The following TK2 variants were observed in gnomAD, a reference collection of about 807,000 sequenced individuals.
TK2 encodes thymidine kinase 2.
TK2 carries 35 observed loss-of-function variants against 41.9 expected under a neutral mutation model. The observed-to-expected ratio is 0.84, with a 90% confidence interval of 0.64 to 1.11. TK2 has a LOEUF of 1.11. Among genes scored for constraint, TK2 ranks in the 50% least tolerant of loss-of-function variants. TK2 has a pLI of 0.00. For missense variants in TK2, 320 were observed against 351.1 expected, an observed-to-expected ratio of 0.91 and a Z score of 0.71; for synonymous variants, 128 against 129.1, an observed-to-expected ratio of 0.99 and a Z score of 0.06.
chr16:66,517,913 A>G lies in TK2; in HGVS notation c.450-36T>C, dbSNP rs1043572594. The G allele has an allele frequency of 2.5e-6, 4 of 1,578,738 alleles. No individual in the cohort carries two copies. Among genetic ancestry groups the G allele is most frequent in the Admixed American group, 1.7e-5 (1 of 59,978 alleles). ...AGTTGTAAGGGCTTATTCACCTAAG[A>G]GAAAACTTCTGGGCTATGCAATTCC... On this transcript the variant is annotated intron_variant, in intron 6 of 9. Coordinates refer to ENST00000544898, the MANE Select transcript of TK2 (RefSeq NM_004614.5). This position sits in a 1 kb window ranked among gnomAD's most constrained non-coding sequence, Gnocchi z 4.3.
Position 66,522,841 on chromosome 16 carries a change from G to C in TK2, c.450-4964C>G, listed in dbSNP as rs199716859. On this transcript the variant is annotated intron_variant, in intron 6 of 9. Transcript: ENST00000544898. ...ATTGCACCACTGCACTCCAGCCTGG[G>C]CAATAACAGCAAAACTCCGTCTCAA... Among the ~76,000 whole-genome samples the C allele has an allele frequency of 2.6e-5, 4 of 152,224 alleles. No homozygotes were observed. In the East Asian group the frequency reaches 7.7e-4, roughly 29 times the overall value.
intron 2 of TK2, chr16:66,547,925 C>A: frequency 7.8e-7 from 1 of 1,284,898 alleles, no homozygotes; most frequent in South Asian, 1.2e-5. Flanking sequence ...CAGCTCACAT[C>A]AATGCTAGCT....
Position 66,536,760 on chromosome 16 carries a change from T to G in TK2, c.285+204A>C, listed in dbSNP as rs183409862. 3.6e-3 allele frequency among the ~76,000 whole-genome samples: 548 copies of G among 152,012 alleles called. 17 individuals are homozygous for G. In the South Asian group the frequency reaches 0.081, roughly 23 times the overall value. On this transcript the variant is annotated intron_variant, in intron 4 of 9. Transcript: ENST00000544898. Reference sequence around the variant, plus strand: ...GATAGCTGACGGGAAGTCCCTAGGCTCTGTGCACAGCCACTCAGGCCTCAG... The same window carrying G: ...GATAGCTGACGGGAAGTCCCTAGGCGCTGTGCACAGCCACTCAGGCCTCAG...
intron 5 of TK2, among the ~76,000 whole-genome samples, chr16:66,530,646 A>G (rs1286051023): frequency 1.3e-5 from 2 of 152,148 alleles, no homozygotes; most frequent in Non-Finnish European, 2.9e-5. Context: ...GATAAAACAC[A>G]GATTGCTGGG....
At chr16:66,531,166 C>A (rs1228077933) in intron 5 of TK2, among the ~76,000 whole-genome samples, 1 of 152,170 alleles carries the variant, frequency 6.6e-6, no homozygotes, top group African/African-American at 2.4e-5. Flanking sequence ...GTGGCAGGGG[C>A]ACCACCTGGC....
chr16:66,511,856 A>G lies in TK2; in HGVS notation c.*112T>C. 1 of 882,710 alleles carries G rather than the reference A, an allele frequency of 1.1e-6. No individual in the cohort carries two copies. The highest frequency in any genetic ancestry group is 1.9e-6 in the Non-Finnish European group (1 of 532,234). 54.7% of individuals were successfully genotyped at this position (882,710 alleles called of 1,614,324 possible). A position where few individuals can be genotyped will look rare whatever the true frequency, so the allele number is the denominator to read the frequency against. ...AGGAGATGAGACCATTAGGAAAATC[A>G]AGCTGGCCAGACACAAAGCCCTCCT... On this transcript the variant is annotated 3_prime_UTR_variant, in exon 10 of 10. Transcript: ENST00000544898.
chr16:66,523,372 C>T (rs996968750), intron 6 of TK2, among the ~76,000 whole-genome samples: 32 of 152,198 alleles, frequency 2.1e-4, no homozygotes, highest in African/African-American at 7.0e-4. Context: ...CACATGCCAC[C>T]GTGTGGTTCC....
intron 2 of TK2, among the ~76,000 whole-genome samples, chr16:66,546,075 C>A (rs1316952900): frequency 6.6e-6 from 1 of 151,862 alleles, no homozygotes; most frequent in Admixed American, 6.6e-5. Flanking sequence ...ACAACAAATA[C>A]AAAAATTAGC....
intron 4 of TK2, among the ~76,000 whole-genome samples, chr16:66,533,097 T>G (rs1328376231): frequency 6.7e-6 from 1 of 148,226 alleles, no homozygotes; most frequent in South Asian, 2.1e-4. Flanking sequence ...TTAAACAGAG[T>G]CTTGCTCTGT....
rs189302851 is a variant in TK2 at position 66,543,227 on chromosome 16, T to C, written c.157-1274A>G. The stretch of plus-strand genomic sequence containing the variant: ...GGCGATTTCAATGTGCAGGCAAGGA[T>C]GGGAACCACGAGGCTGGAGCAGAGC... On this transcript the variant is annotated intron_variant, in intron 2 of 9. Coordinates refer to ENST00000544898, the MANE Select transcript of TK2 (RefSeq NM_004614.5). 5.9e-5 allele frequency among the ~76,000 whole-genome samples: 9 copies of C among 152,342 alleles called. No individual in the cohort carries two copies. The East Asian group carries it at 1.5e-3, about 26-fold the overall frequency.
intron 6 of TK2, among the ~76,000 whole-genome samples, chr16:66,524,333 CTTT>C (rs1359962521): frequency 6.6e-6 from 1 of 151,974 alleles, no homozygotes; most frequent in Non-Finnish European, 1.5e-5. Context: ...TGGCTACCAG[CTTT>C]TTTTATTTTT....
intron 3 of TK2, among the ~76,000 whole-genome samples, chr16:66,537,668 G>C (rs1428297833): frequency 6.6e-6 from 1 of 152,216 alleles, no homozygotes; most frequent in Non-Finnish European, 1.5e-5. Flanking sequence ...CTGTGGTCTA[G>C]ACACACAAAT....
At chr16:66,549,146 T>C in intron 1 of TK2, 137 bp from the exon 2 acceptor site, 1 of 1,521,238 alleles carries the variant, frequency 6.6e-7, no homozygotes, top group Non-Finnish European at 8.8e-7. Context: ...TTGGGCGCCC[T>C]CCGAGATTGG....
chr16:66,525,566 C>G (rs1362116918), intron 6 of TK2, among the ~76,000 whole-genome samples: 3 of 152,132 alleles, frequency 2.0e-5, no homozygotes, highest in African/African-American at 7.2e-5. Flanking sequence ...GTCTGAGGAA[C>G]ACCGCCTTTT....
At position 66,514,529 on chromosome 16, in the gene TK2, C is replaced by A. The variant is rs1366662101; in HGVS notation, c.619-718G>T. On this transcript the variant is annotated intron_variant, in intron 8 of 9. Transcript: ENST00000544898. The surrounding 1 kb of genome is among the most constrained non-coding windows in gnomAD (Gnocchi z 4.2). The stretch of plus-strand genomic sequence containing the variant: ...CAAAGTGCCGAGATTGCAGCCTCTG[C>A]CCGGCTGCCACCCCGTCTAGGAAGT... 6.6e-6 allele frequency among the ~76,000 whole-genome samples: 1 copy of A among 152,226 alleles called. No individual in the cohort carries two copies. Among genetic ancestry groups the A allele is most frequent in the Non-Finnish European group, 1.5e-5 (1 of 68,048 alleles).
At chr16:66,532,965 C>A (rs1455193361) in intron 4 of TK2, among the ~76,000 whole-genome samples, 1 of 152,168 alleles carries the variant, frequency 6.6e-6, no homozygotes, top group East Asian at 1.9e-4. Context: ...CATCACACTG[C>A]CTGACTTCAT....
At position 66,511,336 on chromosome 16, in the gene TK2, TG is replaced by T. The variant is rs1003937581; in HGVS notation, c.*631del. On this transcript the variant is annotated 3_prime_UTR_variant, in exon 10 of 10. Coordinates refer to ENST00000544898, the MANE Select transcript of TK2 (RefSeq NM_004614.5). ...GAAGTCTAGAAATGCTGACTGTCCT[TG>T]GGAACTGCTCAATATTGGGAAAATG... The T allele has an allele frequency of 1.9e-5, 3 of 159,178 alleles. No homozygotes were observed. Among genetic ancestry groups the T allele is most frequent in the African/African-American group, 7.2e-5 (3 of 41,494 alleles). The allele number at this position is 159,178 out of a possible 1,614,324, so 9.9% of individuals were successfully genotyped here. A position where few individuals can be genotyped will look rare whatever the true frequency, so the allele number is the denominator to read the frequency against.
In TK2 at chr16:66,517,188, CA is replaced by C; in HGVS notation, c.565del (p.Cys189ValfsTer5). The C allele has an allele frequency of 6.2e-7, 1 of 1,614,160 alleles. No individual in the cohort carries two copies. The highest frequency in any genetic ancestry group is 8.5e-7 in the Non-Finnish European group (1 of 1,180,030). On this transcript the variant is annotated frameshift_variant, in exon 8 of 10. Coordinates refer to ENST00000544898, the MANE Select transcript of TK2 (RefSeq NM_004614.5). LOFTEE classifies it high-confidence loss of function. The surrounding 1 kb of genome is among the most constrained non-coding windows in gnomAD (Gnocchi z 4.3). The part of the protein sequence containing the change: ...IVYLRTNPET[C>X]YQRLKKRCRE... Reference sequence around the variant, plus strand: ...GCATCTCTTCTTTAACCTCTGGTAACAAGTCTCAGGATTGGTCCGAAGGTAA... The same window carrying C: ...GCATCTCTTCTTTAACCTCTGGTAACAGTCTCAGGATTGGTCCGAAGGTAA...
chr16:66,544,894 C>T (rs1965558569), intron 2 of TK2, among the ~76,000 whole-genome samples: 1 of 152,018 alleles, frequency 6.6e-6, no homozygotes, highest in African/African-American at 2.4e-5. Context: ...CAAGACCAGC[C>T]TGGCCAACAT....
Sources: gnomAD v4.1 joint callset for allele counts (sites outside exome capture counted in the v4.1 genomes callset) on GRCh38, gnomAD v4.1.1 for gene constraint, Gnocchi (gnomAD v3.1) non-coding constraint, MANE v1.5 for transcripts, NCBI Gene and HGNC (gene_info 2026-07-23, HGNC 2026-07-21) for gene names.